Variants in NHSL2 observed in about 807,000 individuals in gnomAD.
NHSL2 encodes the protein NHS-like protein 2.
In NHSL2, 27 loss-of-function variants were observed where a neutral mutation model predicts 53.4. The observed-to-expected ratio is 0.51, with a 90% CI of 0.37 to 0.70. The LOEUF is 0.70. NHSL2 is among the 30% of genes least tolerant of loss of function. The pLI is 0.00. For missense variants in NHSL2, 892 were observed against 980.1 expected (o/e 0.91, Z 1.20); for synonymous variants, 408 against 404.1 (o/e 1.01, Z -0.12).
chrX:71,923,749 G>A (rs1356678778), intron 1 of NHSL2, among the ~76,000 whole-genome samples: 1 of 111,915 alleles, frequency 8.9e-6, no homozygotes, highest in African/African-American at 3.3e-5. Context: ...TGACGTGGCT[G>A]TGCTGCTCCT....
chrX:72,019,290 T>TATTC lies in NHSL2; in HGVS notation c.280+107937_280+107940dup, dbSNP rs746945512. Among the ~76,000 whole-genome samples the TATTC allele has an allele frequency of 3.6e-5, 4 of 112,228 alleles. No individual in the cohort carries two copies. The South Asian group carries it at 1.1e-3, about 31-fold the overall frequency. ...TGCTGTGTGACCTTGGTCATTTCATTATTCATTCATTCATTCAGAAAACAC... is the reference window on the plus strand; with the variant it reads ...TGCTGTGTGACCTTGGTCATTTCATTATTCATTCATTCATTCATTCAGAAAACAC... On this transcript the variant is annotated intron_variant, in intron 1 of 7. Transcript: ENST00000633930.
intron 1 of NHSL2, among the ~76,000 whole-genome samples, chrX:72,026,939 A>G (rs1325257266): frequency 8.9e-6 from 1 of 112,545 alleles, no homozygotes; most frequent in African/African-American, 3.2e-5. Flanking sequence ...ACCTTTTGTT[A>G]TAAGAGGAGA....
Position 72,153,168 on chromosome X carries a change from T to C in NHSL2, c.*9594T>C, listed in dbSNP as rs1007544073. On this transcript the variant is annotated 3_prime_UTR_variant, in exon 8 of 8. Transcript: ENST00000633930. Reference sequence around the variant, plus strand: ...GTGATATTACAAAGGGTTTTTCTTGTCTTTCTTTAAAAAAAAAAAGGCATT... The same window carrying C: ...GTGATATTACAAAGGGTTTTTCTTGCCTTTCTTTAAAAAAAAAAAGGCATT... 4 of 16,987 alleles carry C rather than the reference T, an allele frequency of 2.4e-4. No homozygotes were observed. In the South Asian group the frequency reaches 0.023, roughly 100 times the overall value. The allele number at this position is 16,987 out of a possible 1,213,427, so 1.4% of individuals were successfully genotyped here. A position where few individuals can be genotyped will look rare whatever the true frequency, so the allele number is the denominator to read the frequency against.
At position 71,984,826 on chromosome X, in the gene NHSL2, C is replaced by CTTT. The variant is rs140131441; in HGVS notation, c.280+73472_280+73474dup. Among the ~76,000 whole-genome samples the CTTT allele has an allele frequency of 2.3e-3, 207 of 91,234 alleles. 3 individuals are homozygous for CTTT. Among genetic ancestry groups the CTTT allele is most frequent in the African/African-American group, 7.7e-3 (192 of 24,867 alleles). 79.2% of individuals were successfully genotyped at this position (91,234 alleles called of 115,157 possible). On this transcript the variant is annotated intron_variant, in intron 1 of 7. Transcript: ENST00000633930. ...GCTTTAATGGAGCTCTATTTCTTTCCTTTTTTTTTTTTTTTGAGATGGAGT... is the reference window on the plus strand; with the variant it reads ...GCTTTAATGGAGCTCTATTTCTTTCCTTTTTTTTTTTTTTTTTTGAGATGGAGT...
intron 1 of NHSL2, among the ~76,000 whole-genome samples, chrX:71,985,164 A>G (rs2041998026): frequency 9.0e-6 from 1 of 111,394 alleles, no homozygotes; most frequent in African/African-American, 3.3e-5. Context: ...GATCTTTTTA[A>G]AGCCGAGCCC....
intron 6 of NHSL2, 61 bp from the exon 7 acceptor site, chrX:72,142,169 TGA>T: frequency 2.1e-6 from 2 of 945,218 alleles, no homozygotes; most frequent in Non-Finnish European, 2.8e-6. Flanking sequence ...AAATAACATA[TGA>T]GAATGTGCTT....
chrX:72,032,810 G>A (rs1235050641), intron 1 of NHSL2, among the ~76,000 whole-genome samples: 4 of 112,012 alleles, frequency 3.6e-5, no homozygotes, highest in African/African-American at 1.3e-4. Context: ...AGTGAGCTGA[G>A]ATCACACCAC....
chrX:72,062,624 A>C (rs1473861770), intron 1 of NHSL2, among the ~76,000 whole-genome samples: 3 of 112,298 alleles, frequency 2.7e-5, no homozygotes, highest in Non-Finnish European at 5.6e-5. Context: ...TACTTCATTC[A>C]TGGCCCTGTC....
chrX:72,105,374 C>T (rs1387433897), intron 1 of NHSL2, among the ~76,000 whole-genome samples: 1 of 111,245 alleles, frequency 9.0e-6, no homozygotes, highest in African/African-American at 3.3e-5. Context: ...AAGTCCCTCC[C>T]TGCAGCCCAA....
chrX:71,911,865 C>T (rs1030790698), intron 1 of NHSL2, among the ~76,000 whole-genome samples: 4 of 112,621 alleles, frequency 3.6e-5, no homozygotes, highest in Non-Finnish European at 7.5e-5. Flanking sequence ...GTGGTGCCTA[C>T]AGGCTTTAAA....
rs55912050 is a variant in NHSL2 at position 72,144,704 on chromosome X, G to GCACACACACACA, written c.*1161_*1172dup. On this transcript the variant is annotated 3_prime_UTR_variant, in exon 8 of 8. Transcript: ENST00000633930. ...CTTGCCAGTTGCTATGGCCCATAAT[G>GCACACACACACA]CACACACACACACACACACACACAC... 7.5e-5 allele frequency: 11 copies of GCACACACACACA among 147,458 alleles called. No individual in the cohort carries two copies. Among genetic ancestry groups the GCACACACACACA allele is most frequent in the African/African-American group, 4.0e-4 (11 of 27,275 alleles). The allele number at this position is 147,458 out of a possible 1,213,427, so 12.2% of individuals were successfully genotyped here.
chrX:72,034,765 CT>C (rs751235313), intron 1 of NHSL2, among the ~76,000 whole-genome samples: 1 of 111,973 alleles, frequency 8.9e-6, no homozygotes, highest in East Asian at 2.8e-4. Context: ...ACTGATAACC[CT>C]GTTTCATTCC....
chrX:72,111,332 G>C (rs925330281), intron 1 of NHSL2, among the ~76,000 whole-genome samples: 9 of 112,686 alleles, frequency 8.0e-5, no homozygotes, highest in Non-Finnish European at 1.7e-4. Context: ...GTCCACCACT[G>C]TCTGGGTGTG....
chrX:72,104,404 A>C (rs2042021723), intron 1 of NHSL2, among the ~76,000 whole-genome samples: 1 of 112,567 alleles, frequency 8.9e-6, no homozygotes, highest in Admixed American at 9.4e-5. Flanking sequence ...GAGGCCCATA[A>C]GTTTCATTAG....
chrX:72,106,774 T>C (rs1687810269), intron 1 of NHSL2, among the ~76,000 whole-genome samples: 1 of 111,933 alleles, frequency 8.9e-6, no homozygotes, highest in Non-Finnish European at 1.9e-5. Context: ...TATGGAATAC[T>C]GTGCAGCCAT....
intron 1 of NHSL2, among the ~76,000 whole-genome samples, chrX:71,996,953 G>A (rs188016902): frequency 1.8e-5 from 2 of 112,608 alleles, no homozygotes; most frequent in Admixed American, 9.3e-5. Flanking sequence ...AATGTGGGGC[G>A]TCCTGAGAGG....
rs149072223 is a variant in NHSL2 at position 72,138,791 on chromosome X, G to C, written c.1243G>C (p.Gly415Arg). Reference sequence around the variant, plus strand: ...CCAGAGCAATCAAGTCAATGAAAATGGGAAAAATCCTTCCTGTGGGAATTC... The same window carrying C: ...CCAGAGCAATCAAGTCAATGAAAATCGGAAAAATCCTTCCTGTGGGAATTC... ...TSQSNQVNEN[G>R]KNPSCGNSWV... is the part of the protein sequence containing the mutation. Residue 415 changes from glycine to arginine, a missense_variant, in exon 6 of 8, where the codon GGG (glycine) becomes CGG (arginine). By Grantham distance (125) the Gly-to-Arg change is moderately radical. Transcript: ENST00000633930. The C allele has an allele frequency of 1.2e-4, 141 of 1,209,080 alleles. No homozygotes were observed. Among genetic ancestry groups the C allele is most frequent in the Non-Finnish European group, 1.4e-4 (127 of 894,365 alleles).
intron 1 of NHSL2, among the ~76,000 whole-genome samples, chrX:72,098,968 C>T (rs1042068545): frequency 9.8e-5 from 11 of 111,786 alleles, no homozygotes; most frequent in African/African-American, 3.6e-4. Context: ...ACATACTGGC[C>T]CATTCCTTGC....
intron 4 of NHSL2, among the ~76,000 whole-genome samples, chrX:72,136,540 ACCAGGTG>A (rs2042357239): frequency 1.8e-5 from 2 of 112,159 alleles, no homozygotes; most frequent in South Asian, 7.5e-4. Flanking sequence ...GTAAAATGTG[ACCAGGTG>A]ACTGTAGGAC....
Sources: gnomAD v4.1 joint callset for allele counts (sites outside exome capture counted in the v4.1 genomes callset) on GRCh38, gnomAD v4.1.1 for gene constraint, MANE v1.5 for transcripts, NCBI Gene and HGNC (gene_info 2026-07-23, HGNC 2026-07-21) for gene names.